FAM3B: variants seen among roughly 807,000 people sequenced by gnomAD.
FAM3B encodes the protein FAM3 metabolism regulating signaling molecule B, also known as protein FAM3B.
A neutral mutation model predicts 28.4 loss-of-function variants in FAM3B; 29 were observed. That is an observed-to-expected ratio of 1.02 (90% CI 0.76 to 1.39). FAM3B has a LOEUF of 1.39. FAM3B is among the 40% of genes most tolerant of loss of function. The pLI is 0.00. For missense variants in FAM3B, 266 were observed against 293.9 expected, an observed-to-expected ratio of 0.91 and a Z score of 0.69; for synonymous variants, 91 against 103.0, an observed-to-expected ratio of 0.88 and a Z score of 0.71.
upstream of FAM3B, chr21:41,316,764 C>G: frequency 1.8e-6 from 2 of 1,089,790 alleles, no homozygotes; most frequent in Non-Finnish European, 2.4e-6. Flanking sequence ...CCCAGCTGGC[C>G]CGCCCCTGCC....
intron 2 of FAM3B, among the ~76,000 whole-genome samples, chr21:41,333,971 C>T (rs1201457989): frequency 6.6e-6 from 1 of 152,194 alleles, no homozygotes; most frequent in Admixed American, 6.5e-5. Context: ...AGCTTGGCTG[C>T]ATTGTGCCCC....
intron 1 of FAM3B, among the ~76,000 whole-genome samples, chr21:41,311,251 A>AAAAATATATAT (rs1555866518): frequency 1.1e-4 from 4 of 35,072 alleles, no homozygotes; most frequent in African/African-American, 2.4e-4. Flanking sequence ...AAAAAAAAAA[A>AAAAATATATAT]ATATATATAT....
intron 7 of FAM3B, among the ~76,000 whole-genome samples, chr21:41,355,541 G>C (rs1402030860): frequency 2.1e-5 from 3 of 144,052 alleles, no homozygotes; most frequent in African/African-American, 7.3e-5. Context: ...GATGAACCTT[G>C]AAAACAGGCT....
intron 4 of FAM3B, 122 bp from the exon 5 acceptor site, chr21:41,345,564 A>T: frequency 1.7e-6 from 1 of 593,376 alleles, no homozygotes; most frequent in Non-Finnish European, 3.0e-6. Flanking sequence ...CTGGGTCATT[A>T]CATCAGTGGT....
chr21:41,311,045 T>C (rs1308028388), intron 1 of FAM3B, among the ~76,000 whole-genome samples: 1 of 151,362 alleles, frequency 6.6e-6, no homozygotes, highest in East Asian at 1.9e-4. Context: ...TCGTTTCCAA[T>C]GGATCTTCTC....
intron 2 of FAM3B, among the ~76,000 whole-genome samples, chr21:41,323,938 G>A (rs1051322372): frequency 2.0e-5 from 3 of 152,268 alleles, no homozygotes; most frequent in African/African-American, 7.2e-5. Context: ...GACAGTGTTG[G>A]AGGCTGGGAA....
At chr21:41,341,396 A>T (rs1460903537) in intron 3 of FAM3B, among the ~76,000 whole-genome samples, 1 of 152,220 alleles carries the variant, frequency 6.6e-6, no homozygotes, top group African/African-American at 2.4e-5. Context: ...ATAGACTATC[A>T]CTAGCACCCC....
At chr21:41,331,140 G>A (rs2088902945) in intron 2 of FAM3B, among the ~76,000 whole-genome samples, 1 of 152,180 alleles carries the variant, frequency 6.6e-6, no homozygotes, top group Admixed American at 6.5e-5. Flanking sequence ...TCTAACAGGT[G>A]TGAGCTGATA....
intron 3 of FAM3B, 114 bp downstream of exon 3, chr21:41,338,615 T>C (rs1057010060): frequency 2.1e-6 from 3 of 1,421,210 alleles, no homozygotes; most frequent in Non-Finnish European, 1.9e-6. Flanking sequence ...GTCGTTGGTC[T>C]CAGGCAAAAG....
rs1431568731 is a variant in FAM3B at position 41,326,291 on chromosome 21, A to C, written c.163+3225A>C. ...GTTAGGAACATGGTCTTCTTTCTTC[A>C]TTCACGTGGTGACACATTGTGCTTC... On this transcript the variant is annotated intron_variant, in intron 2 of 7. Coordinates refer to ENST00000357985, the MANE Select transcript of FAM3B (RefSeq NM_058186.4). The surrounding 1 kb of genome is among the most constrained non-coding windows in gnomAD (Gnocchi z 4.0). 6.6e-6 allele frequency among the ~76,000 whole-genome samples: 1 copy of C among 152,184 alleles called. No homozygotes were observed. Among genetic ancestry groups the C allele is most frequent in the Admixed American group, 6.5e-5 (1 of 15,286 alleles).
intron 2 of FAM3B, among the ~76,000 whole-genome samples, chr21:41,330,507 T>G (rs911730698): frequency 2.6e-5 from 4 of 152,238 alleles, no homozygotes; most frequent in Non-Finnish European, 4.4e-5. Context: ...GTCACCATGA[T>G]GTGCAATGGA....
chr21:41,343,988 T>G (rs554606187), intron 3 of FAM3B, among the ~76,000 whole-genome samples: 5 of 152,266 alleles, frequency 3.3e-5, no homozygotes, highest in African/African-American at 1.2e-4. Context: ...GTTGTAGTGG[T>G]GCACGCTTGT....
Position 41,341,321 on chromosome 21 carries a change from A to G in FAM3B, c.287+2820A>G, listed in dbSNP as rs2089005417. ...AATGCTGCAATAAATAACCTTATGA[A>G]TATATCATTTTGTAATAAATTATGA... is the stretch of plus-strand genomic sequence containing the variant. On this transcript the variant is annotated intron_variant, in intron 3 of 7. Transcript: ENST00000357985. Among the ~76,000 whole-genome samples, 3 of 152,238 alleles carry G rather than the reference A, an allele frequency of 2.0e-5. No homozygotes were observed. In the South Asian group the frequency reaches 6.2e-4, roughly 31 times the overall value.
chr21:41,338,630 A>G, intron 3 of FAM3B, 129 bp downstream of exon 3: 1 of 1,241,702 alleles, frequency 8.1e-7, no homozygotes, highest in Non-Finnish European at 1.1e-6. Context: ...CAAAAGGCTG[A>G]GAGCATCCAA....
rs2088854393 is a variant in FAM3B, at chr21:41,326,305, A to T, written c.163+3239A>T. 6.6e-6 allele frequency among the ~76,000 whole-genome samples: 1 copy of T among 152,208 alleles called. No individual in the cohort carries two copies. The highest frequency in any genetic ancestry group is 1.5e-5 in the Non-Finnish European group (1 of 68,030). On this transcript the variant is annotated intron_variant, in intron 2 of 7. Coordinates refer to ENST00000357985, the MANE Select transcript of FAM3B (RefSeq NM_058186.4). The surrounding 1 kb of genome is among the most constrained non-coding windows in gnomAD (Gnocchi z 4.0). ...CTTCTTTCTTCATTCACGTGGTGAC[A>T]CATTGTGCTTCTGGGAAACGGATGG...
intron 7 of FAM3B, among the ~76,000 whole-genome samples, chr21:41,349,887 C>T (rs969980415): frequency 2.0e-5 from 3 of 152,230 alleles, no homozygotes; most frequent in Non-Finnish European, 4.4e-5. Context: ...AGGAAGCCAG[C>T]CCTGCAGAAC....
At position 41,330,493 on chromosome 21, in the gene FAM3B, T is replaced by G. The variant is rs573092199; in HGVS notation, c.163+7427T>G. On this transcript the variant is annotated intron_variant, in intron 2 of 7. Transcript: ENST00000357985. ...AGGACCACTGTATATTGTTATTAACTGTAGTCACCATGATGTGCAATGGAT... is the reference window on the plus strand; with the variant it reads ...AGGACCACTGTATATTGTTATTAACGGTAGTCACCATGATGTGCAATGGAT... Among the ~76,000 whole-genome samples the G allele has an allele frequency of 2.0e-5, 3 of 152,354 alleles. No individual in the cohort carries two copies. The East Asian group carries it at 5.8e-4, about 29-fold the overall frequency.
At chr21:41,322,043 T>A (rs2088811535) in intron 1 of FAM3B, among the ~76,000 whole-genome samples, 1 of 152,166 alleles carries the variant, frequency 6.6e-6, no homozygotes, top group African/African-American at 2.4e-5. Flanking sequence ...CATACCCCAG[T>A]ACCCATCCTA....
Position 41,326,164 on chromosome 21 carries a change from T to G in FAM3B, c.163+3098T>G, listed in dbSNP as rs768822927. ...CCTTTTGATTGTTTGGGGGAAGGAA[T>G]TTCAGGAAAAGCACTGAAGACCTAG... On this transcript the variant is annotated intron_variant, in intron 2 of 7. Transcript: ENST00000357985. The surrounding 1 kb of genome is among the most constrained non-coding windows in gnomAD (Gnocchi z 4.0). Among the ~76,000 whole-genome samples, 42 of 152,140 alleles carry G rather than the reference T, an allele frequency of 2.8e-4. No homozygotes were observed. Among genetic ancestry groups the G allele is most frequent in the Admixed American group, 1.4e-3 (21 of 15,282 alleles).
Sources: gnomAD v4.1 joint callset for allele counts (sites outside exome capture counted in the v4.1 genomes callset) on GRCh38, gnomAD v4.1.1 for gene constraint, Gnocchi (gnomAD v3.1) non-coding constraint, MANE v1.5 for transcripts, NCBI Gene and HGNC (gene_info 2026-07-23, HGNC 2026-07-21) for gene names.